Variants in NRG1 observed in about 807,000 individuals in gnomAD.
The protein encoded by NRG1 is neuregulin 1, also known as pro-neuregulin-1, membrane-bound isoform.
In NRG1, 18 loss-of-function variants were observed where a neutral mutation model predicts 63.8. That is an observed-to-expected ratio of 0.28 (90% CI 0.19 to 0.42). NRG1 has a LOEUF of 0.42. NRG1 is among the 10% of genes least tolerant of loss of function. The probability of loss-of-function intolerance (pLI) is 1.00; values close to 1 mark genes in which losing one functional copy is unlikely to be tolerated. For missense variants in NRG1, 762 were observed against 814.7 expected (o/e 0.94, Z 0.79); for synonymous variants, 302 against 301.3 (o/e 1.00, Z -0.02).
At chr8:32,528,590 C>A (rs1831125538) in intron 1 of NRG1, among the ~76,000 whole-genome samples, 2 of 152,168 alleles carry the variant, frequency 1.3e-5, no homozygotes, top group African/African-American at 2.4e-5. Flanking sequence ...TACTCTTTCT[C>A]AGAGAAATTC....
intron 1 of NRG1, among the ~76,000 whole-genome samples, chr8:32,336,617 T>C (rs1803304066): frequency 6.6e-6 from 1 of 152,066 alleles, no homozygotes; most frequent in South Asian, 2.1e-4. Context: ...TTTTTTTGTT[T>C]GTTTGTTTTT....
intron 1 of NRG1, among the ~76,000 whole-genome samples, chr8:32,516,607 G>A (rs1355996820): frequency 6.6e-6 from 1 of 151,986 alleles, no homozygotes; most frequent in Non-Finnish European, 1.5e-5. Flanking sequence ...GTTTCTTTCA[G>A]CAATGTTTTA....
intron 1 of NRG1, among the ~76,000 whole-genome samples, chr8:32,595,547 C>T (rs1178516657): frequency 6.6e-6 from 1 of 152,052 alleles, no homozygotes; most frequent in East Asian, 1.9e-4. Flanking sequence ...ATTCAGGATT[C>T]TTAATGGCAT....
chr8:32,506,769 C>G (rs1341828153), intron 1 of NRG1, among the ~76,000 whole-genome samples: 3 of 152,034 alleles, frequency 2.0e-5, no homozygotes, highest in Admixed American at 6.6e-5. Flanking sequence ...AATCCCAGCA[C>G]TTTGGGAGGC....
intron 1 of NRG1, among the ~76,000 whole-genome samples, chr8:31,933,336 A>G (rs1477106530): frequency 6.6e-6 from 1 of 151,588 alleles, no homozygotes; most frequent in African/African-American, 2.4e-5. Flanking sequence ...GTTGGAGTGC[A>G]GTGGCACCAT....
chr8:31,656,688 A>C (rs1266305236), intron 1 of NRG1, among the ~76,000 whole-genome samples: 1 of 152,204 alleles, frequency 6.6e-6, no homozygotes, highest in Non-Finnish European at 1.5e-5. Context: ...GTGTTGCTGA[A>C]GGTCACTCGT....
chr8:31,831,989 G>T (rs1271173244), intron 1 of NRG1, among the ~76,000 whole-genome samples: 1 of 152,036 alleles, frequency 6.6e-6, no homozygotes, highest in Non-Finnish European at 1.5e-5. Context: ...TTTTTCTCTT[G>T]CTTGCTCTTC....
chr8:32,419,353 A>G (rs1451586673), intron 1 of NRG1, among the ~76,000 whole-genome samples: 1 of 152,182 alleles, frequency 6.6e-6, no homozygotes, highest in Non-Finnish European at 1.5e-5. Flanking sequence ...TTTCTGGTGG[A>G]GGAGCCAGTG....
chr8:32,662,339 C>T (rs1162241444), intron 5 of NRG1, among the ~76,000 whole-genome samples: 1 of 152,192 alleles, frequency 6.6e-6, no homozygotes, highest in Non-Finnish European at 1.5e-5. Flanking sequence ...GTGTAGTCAA[C>T]TTAAGCCAAT....
chr8:32,442,997 A>G (rs766072429), intron 1 of NRG1, among the ~76,000 whole-genome samples: 83 of 151,736 alleles, frequency 5.5e-4, no homozygotes, highest in Non-Finnish European at 1.1e-3. Context: ...TGATGTGATT[A>G]TAACTCATTG....
At chr8:32,635,505 CATTTT>C (rs1386242750) in intron 5 of NRG1, among the ~76,000 whole-genome samples, 6 of 152,130 alleles carry the variant, frequency 3.9e-5, no homozygotes, top group African/African-American at 1.4e-4. Context: ...CATGCCATTT[CATTTT>C]GAGTTGGACA....
At chr8:31,707,233 T>C (rs1811240160) in intron 1 of NRG1, among the ~76,000 whole-genome samples, 1 of 152,112 alleles carries the variant, frequency 6.6e-6, no homozygotes, top group African/African-American at 2.4e-5. Flanking sequence ...TATTTTTTCT[T>C]TATATGACTT....
chr8:32,298,584 A>T (rs1464045619), intron 1 of NRG1, among the ~76,000 whole-genome samples: 10 of 151,804 alleles, frequency 6.6e-5, no homozygotes. Context: ...TGTGGCGGTG[A>T]ATGCCTGTAA....
intron 1 of NRG1, among the ~76,000 whole-genome samples, chr8:32,023,980 G>C (rs558149708): frequency 6.6e-6 from 1 of 152,266 alleles, no homozygotes; most frequent in East Asian, 1.9e-4. Context: ...CTCCTAGCAG[G>C]AGGCAGAAGA....
chr8:32,497,099 T>C (rs566013902), intron 1 of NRG1, among the ~76,000 whole-genome samples: 4 of 152,166 alleles, frequency 2.6e-5, no homozygotes, highest in Admixed American at 6.6e-5. Context: ...TTAACTCTTT[T>C]GTTGGGGTTA....
chr8:32,090,463 G>A (rs1172218814), intron 1 of NRG1, among the ~76,000 whole-genome samples: 1 of 152,090 alleles, frequency 6.6e-6, no homozygotes, highest in Non-Finnish European at 1.5e-5. Flanking sequence ...TGGGATTATA[G>A]GTGCATGCCA....
At chr8:31,817,512 C>A (rs139510854) in intron 1 of NRG1, among the ~76,000 whole-genome samples, 2 of 152,216 alleles carry the variant, frequency 1.3e-5, no homozygotes, top group East Asian at 3.9e-4. Context: ...ATATGGAGAG[C>A]ATTTGCATTT....
intron 1 of NRG1, among the ~76,000 whole-genome samples, chr8:31,656,118 G>C (rs1414924262): frequency 2.0e-5 from 3 of 152,206 alleles, no homozygotes; most frequent in African/African-American, 7.2e-5. Context: ...AAGTAGATAA[G>C]ATTGCTTAGG....
chr8:32,247,514 C>A (rs1231809171), intron 1 of NRG1, among the ~76,000 whole-genome samples: 1 of 152,038 alleles, frequency 6.6e-6, no homozygotes, highest in Non-Finnish European at 1.5e-5. Flanking sequence ...TTTTCAAAGG[C>A]CCTCTGGGAG....
Sources: gnomAD v4.1 joint callset for allele counts (sites outside exome capture counted in the v4.1 genomes callset) on GRCh38, gnomAD v4.1.1 for gene constraint, MANE v1.5 for transcripts, NCBI Gene and HGNC (gene_info 2026-07-23, HGNC 2026-07-21) for gene names.